Variants in IL1RAP observed in about 807,000 individuals in gnomAD.
The protein encoded by IL1RAP is interleukin-1 receptor accessory protein.
A neutral mutation model predicts 60.7 loss-of-function variants in IL1RAP; 35 were observed. That is an observed-to-expected ratio of 0.58 (90% CI 0.44 to 0.76). IL1RAP has a LOEUF of 0.76. Ranked by LOEUF, IL1RAP falls within the 30% of genes least tolerant of loss-of-function variation. The pLI, the probability that IL1RAP is intolerant of heterozygous loss-of-function variation, is 0.00. For missense variants in IL1RAP, 572 were observed against 693.9 expected, an observed-to-expected ratio of 0.82 and a Z score of 1.97; for synonymous variants, 268 against 250.9, an observed-to-expected ratio of 1.07 and a Z score of -0.64.
At chr3:190,602,902 AC>A (rs960682128) in intron 3 of IL1RAP, among the ~76,000 whole-genome samples, 1 of 151,704 alleles carries the variant, frequency 6.6e-6, no homozygotes, top group African/African-American at 2.4e-5. Context: ...GGTCCGCAGG[AC>A]TCCATCACCC....
At position 190,557,534 on chromosome 3, in the gene IL1RAP, G is replaced by A. The variant is rs539773618; in HGVS notation, c.-2+1318G>A. On this transcript the variant is annotated intron_variant, in intron 2 of 11. Transcript: ENST00000447382. Reference sequence around the variant, plus strand: ...TTTTCTTATGAACTTTGACTCTGCTGTTATATCAGTAAAGGTTAGCAGTAC... The same window carrying A: ...TTTTCTTATGAACTTTGACTCTGCTATTATATCAGTAAAGGTTAGCAGTAC... 8.5e-5 allele frequency among the ~76,000 whole-genome samples: 13 copies of A among 152,294 alleles called. No individual in the cohort carries two copies. In the South Asian group the frequency reaches 2.5e-3, roughly 29 times the overall value.
intron 1 of IL1RAP, among the ~76,000 whole-genome samples, chr3:190,535,857 G>C (rs1395936530): frequency 6.6e-6 from 1 of 152,050 alleles, no homozygotes; most frequent in African/African-American, 2.4e-5. Flanking sequence ...TCTTCCTCAG[G>C]TCTCCTATGG....
intron 10 of IL1RAP, among the ~76,000 whole-genome samples, chr3:190,645,394 A>G (rs909648444): frequency 6.6e-6 from 1 of 152,216 alleles, no homozygotes; most frequent in Non-Finnish European, 1.5e-5. Flanking sequence ...TTTTCTCTAC[A>G]GTGTTAATTG....
intron 9 of IL1RAP, among the ~76,000 whole-genome samples, chr3:190,638,697 T>A (rs186893041): frequency 2.6e-5 from 4 of 152,318 alleles, no homozygotes; most frequent in Admixed American, 2.6e-4. Context: ...TCAGGAAGGT[T>A]CACCTTTGTT....
chr3:190,528,586 GCAAGA>G (rs1211581225), intron 1 of IL1RAP, among the ~76,000 whole-genome samples: 1 of 152,112 alleles, frequency 6.6e-6, no homozygotes, highest in Non-Finnish European at 1.5e-5. Flanking sequence ...ACTTCTGTAG[GCAAGA>G]CACTGGTGAG....
At chr3:190,597,395 T>G (rs1161330577) in intron 3 of IL1RAP, among the ~76,000 whole-genome samples, 1 of 152,186 alleles carries the variant, frequency 6.6e-6, no homozygotes, top group East Asian at 1.9e-4. Flanking sequence ...CAATAGAGAT[T>G]TATTTTTCAC....
chr3:190,635,177 A>G (rs574702912), intron 9 of IL1RAP, among the ~76,000 whole-genome samples: 5 of 151,968 alleles, frequency 3.3e-5, no homozygotes, highest in African/African-American at 1.2e-4. Flanking sequence ...ATTATTTCCT[A>G]TTATCCTTTT....
intron 3 of IL1RAP, among the ~76,000 whole-genome samples, chr3:190,603,602 A>G (rs1453701778): frequency 1.3e-5 from 2 of 152,254 alleles, no homozygotes; most frequent in African/African-American, 4.8e-5. Flanking sequence ...TTAACAAAAT[A>G]TTAAAATTAA....
rs563678939 is a variant in IL1RAP at position 190,569,192 on chromosome 3, G to A, written c.64+4839G>A. Among the ~76,000 whole-genome samples the A allele has an allele frequency of 2.4e-3, 369 of 152,336 alleles. 2 individuals are homozygous for A. The highest frequency in any genetic ancestry group is 8.6e-3 in the African/African-American group (356 of 41,576). ...GGTAAAGAGAATGTCCACATTTAATGTATTTTGGTTATAGTTGGCTAGGTT... is the reference window on the plus strand; with the variant it reads ...GGTAAAGAGAATGTCCACATTTAATATATTTTGGTTATAGTTGGCTAGGTT... On this transcript the variant is annotated intron_variant, in intron 3 of 11. Transcript: ENST00000447382.
At chr3:190,578,298 A>G (rs1727677430) in intron 3 of IL1RAP, among the ~76,000 whole-genome samples, 1 of 152,208 alleles carries the variant, frequency 6.6e-6, no homozygotes. Context: ...AAGAAAGTAT[A>G]TAGATCTGAG....
At chr3:190,549,401 G>A (rs539377285) in intron 1 of IL1RAP, among the ~76,000 whole-genome samples, 78 of 151,966 alleles carry the variant, frequency 5.1e-4, no homozygotes, top group African/African-American at 1.8e-3. Flanking sequence ...CCTGCTGACA[G>A]GGGGTGCTGT....
At chr3:190,586,393 AC>A (rs1479794529) in intron 3 of IL1RAP, among the ~76,000 whole-genome samples, 8 of 152,082 alleles carry the variant, frequency 5.3e-5, no homozygotes, top group African/African-American at 1.4e-4. Context: ...GCCACAGTTC[AC>A]CTTGCTTTGT....
At chr3:190,550,105 AG>A (rs1159617848) in intron 1 of IL1RAP, among the ~76,000 whole-genome samples, 7 of 152,088 alleles carry the variant, frequency 4.6e-5, no homozygotes, top group African/African-American at 1.7e-4. Context: ...CCCATGAAAC[AG>A]GGGGGGCTTA....
intron 1 of IL1RAP, among the ~76,000 whole-genome samples, chr3:190,537,177 G>T (rs1029095055): frequency 6.6e-6 from 1 of 152,086 alleles, no homozygotes; most frequent in African/African-American, 2.4e-5. Flanking sequence ...AAGTGATAGA[G>T]AATTTATTAG....
intron 3 of IL1RAP, chr3:190,564,731 T>C (rs1289058465): frequency 1.8e-5 from 4 of 226,186 alleles, no homozygotes; most frequent in Non-Finnish European, 3.6e-5. Context: ...AAGTTATCAG[T>C]GGTAATAATC....
At position 190,634,707 on chromosome 3, in the gene IL1RAP, G is replaced by GTTTTTTTT. The variant is rs1167445179; in HGVS notation, c.1051+5213_1051+5220dup. 1.0e-3 allele frequency among the ~76,000 whole-genome samples: 141 copies of GTTTTTTTT among 134,654 alleles called. 7 individuals carry two copies. The highest frequency in any genetic ancestry group is 4.2e-3 in the Middle Eastern group (1 of 240). 88.3% of individuals were successfully genotyped at this position (134,654 alleles called of 152,430 possible). On this transcript the variant is annotated intron_variant, in intron 9 of 11. Coordinates refer to ENST00000447382, the MANE Select transcript of IL1RAP (RefSeq NM_002182.4). ...TCATATAACTATCTGGGCCTGTTGT[G>GTTTTTTTT]TTTTTTTTTTTGTTGTTGTTTTTTT... is the stretch of plus-strand genomic sequence containing the variant.
At chr3:190,575,534 T>C (rs11925502) in intron 3 of IL1RAP, among the ~76,000 whole-genome samples, 56,073 of 152,050 alleles carry the variant, frequency 0.37, 10,772 homozygotes, top group East Asian at 0.67. Context: ...TAATTGAGAA[T>C]TGAGGGATGA....
At chr3:190,658,545 G>C (rs1194008645) in exon 12 of IL1RAP, 2 of 152,160 alleles carry the variant, frequency 1.3e-5, no homozygotes, top group Non-Finnish European at 2.9e-5. Flanking sequence ...CAGAAAATAA[G>C]AAGAACGAAG....
In IL1RAP at chr3:190,650,147, A is replaced by G. The variant is rs1011763308; in HGVS notation, c.*1442A>G. The G allele has an allele frequency of 1.0e-6, 1 of 983,446 alleles. No homozygotes were observed. The highest frequency in any genetic ancestry group is 1.1e-4 in the East Asian group (1 of 8,786). The allele number at this position is 983,446 out of a possible 1,614,324, so 60.9% of individuals were successfully genotyped here. A position where few individuals can be genotyped will look rare whatever the true frequency, so the allele number is the denominator to read the frequency against. On this transcript the variant is annotated 3_prime_UTR_variant, in exon 12 of 12. Coordinates refer to ENST00000447382, the MANE Select transcript of IL1RAP (RefSeq NM_002182.4). ...GGGTACAATATTAAAAACCACTGGA[A>G]CTCTTGTCCAGTTTTTAAATTATGT...
Sources: gnomAD v4.1 joint callset for allele counts (sites outside exome capture counted in the v4.1 genomes callset) on GRCh38, gnomAD v4.1.1 for gene constraint, MANE v1.5 for transcripts, NCBI Gene and HGNC (gene_info 2026-07-23, HGNC 2026-07-21) for gene names.